RANBP2: variants seen among roughly 807,000 people sequenced by gnomAD.
The protein encoded by RANBP2 is RAN binding protein 2.
Under a neutral mutation model 303.6 loss-of-function variants are expected in RANBP2, and 57 were observed. That is an observed-to-expected ratio of 0.19 (90% confidence interval 0.15 to 0.23). The LOEUF (loss-of-function observed/expected upper bound fraction) is 0.23, where lower values mean the gene tolerates loss of function less well. RANBP2 is among the 10% of genes least tolerant of loss of function. RANBP2 has a pLI of 1.00. For missense variants in RANBP2, 3,138 were observed against 3,780.8 expected (o/e 0.83, Z 4.46); for synonymous variants, 1,167 against 1,301.5 (o/e 0.90, Z 2.23).
chr2:109,172,021 G>T, the RANBP2 span, among the ~76,000 whole-genome samples: 2 of 152,246 alleles, frequency 1.3e-5, no homozygotes, highest in Non-Finnish European at 2.9e-5. Context: ...GCAGGGCCCA[G>T]CACTGTGGGC....
the RANBP2 span, chr2:109,564,574 T>G: frequency 6.9e-7 from 1 of 1,443,734 alleles, no homozygotes; most frequent in Non-Finnish European, 9.2e-7. Context: ...CACTGGATTT[T>G]AATTCCTGGC....
chr2:108,987,814 G>A, the RANBP2 span, among the ~76,000 whole-genome samples: 1 of 152,194 alleles, frequency 6.6e-6, no homozygotes, highest in Admixed American at 6.5e-5. Flanking sequence ...CTTGACCAGA[G>A]TCACTCTCTT....
chr2:109,545,166 A>C, the RANBP2 span: 1 of 985,060 alleles, frequency 1.0e-6, no homozygotes, highest in Non-Finnish European at 1.2e-6. Flanking sequence ...CAACGCTGCT[A>C]GCACAGAGGT....
the RANBP2 span, among the ~76,000 whole-genome samples, chr2:109,377,021 A>T: frequency 3.3e-5 from 5 of 152,370 alleles, no homozygotes; most frequent in Admixed American, 6.5e-5. Context: ...AGGAACAGAG[A>T]GCCGCTCAGA....
the RANBP2 span, among the ~76,000 whole-genome samples, chr2:108,843,293 G>T: frequency 1.4e-4 from 22 of 152,052 alleles, no homozygotes; most frequent in African/African-American, 5.1e-4. Flanking sequence ...AAGTAGCTGG[G>T]ATTACAGGCG....
At chr2:109,449,331 C>A in the RANBP2 span, 2 of 1,604,388 alleles carry the variant, frequency 1.2e-6, no homozygotes, top group Non-Finnish European at 1.7e-6. Context: ...GTGCCCACGG[C>A]CGGCCATCCC....
chr2:108,720,040 C>T (rs1694106084), intron 1 of RANBP2: 4 of 985,020 alleles, frequency 4.1e-6, no homozygotes, highest in Non-Finnish European at 4.8e-6. Flanking sequence ...GGTGCTGTAT[C>T]GGCGGGTTTC....
the RANBP2 span, among the ~76,000 whole-genome samples, chr2:109,691,905 C>A: frequency 6.6e-6 from 1 of 151,878 alleles, no homozygotes; most frequent in African/African-American, 2.4e-5. Flanking sequence ...GCCTCAGCCT[C>A]CCGAGTAGCT....
chr2:109,426,799 C>T, the RANBP2 span, among the ~76,000 whole-genome samples: 1 of 151,966 alleles, frequency 6.6e-6, no homozygotes, highest in African/African-American at 2.4e-5. Flanking sequence ...TGTAGCAAAC[C>T]TCATTGCTGT....
At chr2:109,012,937 A>C in the RANBP2 span, among the ~76,000 whole-genome samples, 1 of 152,158 alleles carries the variant, frequency 6.6e-6, no homozygotes, top group Non-Finnish European at 1.5e-5. Flanking sequence ...AACAAAAAAA[A>C]CTTCATTCAG....
At chr2:109,689,456 G>T in the RANBP2 span, among the ~76,000 whole-genome samples, 1 of 152,124 alleles carries the variant, frequency 6.6e-6, no homozygotes, top group Non-Finnish European at 1.5e-5. Flanking sequence ...TAACAGGGTT[G>T]AATGTACATT....
At chr2:109,446,370 C>T in the RANBP2 span, among the ~76,000 whole-genome samples, 2 of 152,198 alleles carry the variant, frequency 1.3e-5, no homozygotes, top group African/African-American at 4.8e-5. Flanking sequence ...ATTAAGCAGC[C>T]ATGTCCCCAC....
At chr2:109,735,527 A>T in the RANBP2 span, among the ~76,000 whole-genome samples, 1 of 152,086 alleles carries the variant, frequency 6.6e-6, no homozygotes, top group Non-Finnish European at 1.5e-5. Flanking sequence ...TGTGTTAGCC[A>T]TTTTAATAGA....
At chr2:109,366,453 C>G in the RANBP2 span, among the ~76,000 whole-genome samples, 1 of 151,632 alleles carries the variant, frequency 6.6e-6, no homozygotes. Context: ...CCATTTATAT[C>G]TTTCTAAAAG....
the RANBP2 span, among the ~76,000 whole-genome samples, chr2:109,318,412 G>C: frequency 6.6e-6 from 1 of 152,156 alleles, no homozygotes; most frequent in Admixed American, 6.5e-5. Flanking sequence ...AGCGCCAGAA[G>C]ATTAGGAGGG....
At chr2:109,115,579 T>G in the RANBP2 span, among the ~76,000 whole-genome samples, 1 of 152,248 alleles carries the variant, frequency 6.6e-6, no homozygotes, top group Non-Finnish European at 1.5e-5. Context: ...CTTGACTCTT[T>G]ATCCAATTTG....
chr2:109,657,481 G>A, the RANBP2 span, among the ~76,000 whole-genome samples: 1 of 152,054 alleles, frequency 6.6e-6, no homozygotes, highest in Non-Finnish European at 1.5e-5. Context: ...ATGGCAGACA[G>A]CTGTTTATGA....
chr2:108,736,278 G>C, intron 6 of RANBP2, 29 bp downstream of exon 6: 1 of 1,611,916 alleles, frequency 6.2e-7, no homozygotes. Context: ...GAATGCTTTA[G>C]TATAAATTGC....
the RANBP2 span, among the ~76,000 whole-genome samples, chr2:109,445,292 C>CA: frequency 1.3e-5 from 2 of 152,070 alleles, no homozygotes; most frequent in Non-Finnish European, 2.9e-5. Context: ...GAGAATTCTC[C>CA]AAAATTGAAG....
Sources: allele counts gnomAD v4.1 joint callset (sites outside exome capture counted in the v4.1 genomes callset), GRCh38; gene constraint gnomAD v4.1.1; transcripts MANE v1.5; gene names NCBI Gene and HGNC (gene_info 2026-07-23, HGNC 2026-07-21).